Variants in INPP4B observed in about 807,000 individuals in gnomAD.
The protein encoded by INPP4B is inositol polyphosphate-4-phosphatase type II B, also known as inositol polyphosphate 4-phosphatase type II.
Under a neutral mutation model 122.5 loss-of-function variants are expected in INPP4B, and 55 were observed. The observed-to-expected ratio is 0.45, with a 90% CI of 0.36 to 0.56. The LOEUF (loss-of-function observed/expected upper bound fraction) is 0.56. INPP4B is among the 20% of genes least tolerant of loss of function. The pLI, the probability that INPP4B is intolerant of heterozygous loss-of-function variation, is 0.00. For missense variants in INPP4B, 1,000 were observed against 1,097.7 expected, an observed-to-expected ratio of 0.91 and a Z score of 1.26; for synonymous variants, 403 against 388.7, an observed-to-expected ratio of 1.04 and a Z score of -0.43.
intron 2 of INPP4B, among the ~76,000 whole-genome samples, chr4:142,630,400 C>A (rs1747672309): frequency 6.6e-6 from 1 of 151,852 alleles, no homozygotes; most frequent in South Asian, 2.1e-4. Flanking sequence ...TTTTCAGGAA[C>A]TTTATTTTTA....
chr4:142,068,633 A>G (rs28800014), intron 25 of INPP4B, among the ~76,000 whole-genome samples: 3,885 of 152,178 alleles, frequency 0.026, 185 homozygotes, highest in African/African-American at 0.089. Context: ...AGGGATGGAG[A>G]AAGATCTACC....
chr4:142,714,786 C>T (rs534303528), intron 2 of INPP4B, among the ~76,000 whole-genome samples: 27 of 152,214 alleles, frequency 1.8e-4, no homozygotes, highest in African/African-American at 6.5e-4. Context: ...AACAGGAGCC[C>T]TATGTGCTCA....
intron 7 of INPP4B, among the ~76,000 whole-genome samples, chr4:142,321,343 T>G: frequency 6.6e-6 from 1 of 152,220 alleles, no homozygotes; most frequent in East Asian, 1.9e-4. Flanking sequence ...CTTGAGTTCC[T>G]TGTAAATTCT....
intron 11 of INPP4B, among the ~76,000 whole-genome samples, chr4:142,256,388 A>G (rs1736078159): frequency 6.6e-6 from 1 of 151,986 alleles, no homozygotes; most frequent in Non-Finnish European, 1.5e-5. Flanking sequence ...GACACAAAAA[A>G]CCCTTCAAAA....
chr4:142,072,528 T>C (rs1009120488), intron 25 of INPP4B, among the ~76,000 whole-genome samples: 11 of 148,844 alleles, frequency 7.4e-5, no homozygotes, highest in African/African-American at 2.7e-4. Flanking sequence ...ATGATATGAA[T>C]AGTGGAAATG....
At chr4:142,078,967 A>G (rs1406127841) in intron 25 of INPP4B, among the ~76,000 whole-genome samples, 1 of 152,052 alleles carries the variant, frequency 6.6e-6, no homozygotes, top group Non-Finnish European at 1.5e-5. Context: ...TTAAAAATCC[A>G]GAGTTGTTCC....
At chr4:142,311,158 C>T (rs548278490) in intron 8 of INPP4B, among the ~76,000 whole-genome samples, 12 of 152,256 alleles carry the variant, frequency 7.9e-5, no homozygotes, top group African/African-American at 1.2e-4. Context: ...ATCTGTTTTG[C>T]GGTGTCCAAG....
chr4:142,751,196 A>G (rs2289793), intron 1 of INPP4B, among the ~76,000 whole-genome samples: 4,113 of 151,866 alleles, frequency 0.027, 77 homozygotes, highest in Middle Eastern at 0.095. Context: ...AGTGAGCTCT[A>G]AGAATAGTAT....
chr4:142,460,480 G>A (rs1816483487), intron 3 of INPP4B, among the ~76,000 whole-genome samples: 1 of 152,080 alleles, frequency 6.6e-6, no homozygotes, highest in Admixed American at 6.6e-5. Flanking sequence ...GGAATATGAT[G>A]TTTTTCTTCC....
At chr4:142,105,338 G>A (rs994272907) in intron 23 of INPP4B, among the ~76,000 whole-genome samples, 1 of 152,132 alleles carries the variant, frequency 6.6e-6, no homozygotes, top group Admixed American at 6.6e-5. Context: ...TCCCCTATCC[G>A]CAATTACTAA....
chr4:142,106,772 T>C (rs1038589222), intron 23 of INPP4B, among the ~76,000 whole-genome samples: 1 of 152,156 alleles, frequency 6.6e-6, no homozygotes, highest in African/African-American at 2.4e-5. Flanking sequence ...ATTCACAGTG[T>C]GGCCTGCGAA....
intron 1 of INPP4B, among the ~76,000 whole-genome samples, chr4:142,821,059 T>C (rs138373151): frequency 1.0e-3 from 158 of 152,296 alleles, no homozygotes; most frequent in African/African-American, 3.6e-3. Flanking sequence ...TCCTGCATTT[T>C]ATTAGCAAGC....
chr4:142,620,466 A>T (rs545204093), intron 2 of INPP4B, among the ~76,000 whole-genome samples: 97 of 152,084 alleles, frequency 6.4e-4, no homozygotes, highest in Non-Finnish European at 1.1e-3. Flanking sequence ...GTACACACAC[A>T]CACAAAGAAG....
chr4:142,246,475 G>A (rs1379726632), intron 11 of INPP4B, among the ~76,000 whole-genome samples: 1 of 152,038 alleles, frequency 6.6e-6, no homozygotes, highest in Non-Finnish European at 1.5e-5. Context: ...ATTTCCTTCA[G>A]CAGTGGTTTG....
chr4:142,390,782 C>T (rs1295213475), intron 7 of INPP4B, among the ~76,000 whole-genome samples: 1 of 152,022 alleles, frequency 6.6e-6, no homozygotes, highest in Non-Finnish European at 1.5e-5. Context: ...AACCAAATTG[C>T]CTTGTCAATT....
At chr4:142,253,719 G>A (rs1733847964) in intron 11 of INPP4B, among the ~76,000 whole-genome samples, 1 of 152,214 alleles carries the variant, frequency 6.6e-6, no homozygotes, top group Non-Finnish European at 1.5e-5. Context: ...CACGGAGTCT[G>A]GCTGACTGCT....
At chr4:142,636,178 T>C (rs968553400) in intron 2 of INPP4B, among the ~76,000 whole-genome samples, 1 of 152,156 alleles carries the variant, frequency 6.6e-6, no homozygotes, top group African/African-American at 2.4e-5. Context: ...ACTTCTGCCA[T>C]GATTGAAAGT....
chr4:142,296,165 T>A (rs2130685), intron 9 of INPP4B, among the ~76,000 whole-genome samples: 19 of 152,020 alleles, frequency 1.2e-4, no homozygotes, highest in Non-Finnish European at 7.4e-5. Flanking sequence ...CTTCAGTGAC[T>A]GAGAACTCTA....
At chr4:142,431,882 G>T (rs1161169669) in intron 3 of INPP4B, among the ~76,000 whole-genome samples, 1 of 152,054 alleles carries the variant, frequency 6.6e-6, no homozygotes, top group South Asian at 2.1e-4. Flanking sequence ...GAGCCAACAG[G>T]TTGTACAGGA....
Sources: gnomAD v4.1 joint callset for allele counts (sites outside exome capture counted in the v4.1 genomes callset) on GRCh38, gnomAD v4.1.1 for gene constraint, MANE v1.5 for transcripts, NCBI Gene and HGNC (gene_info 2026-07-23, HGNC 2026-07-21) for gene names.